The following KIF1B variants were observed in gnomAD, a reference collection of about 807,000 sequenced individuals.
KIF1B encodes the protein kinesin-like protein KIF1B.
In KIF1B, 76 loss-of-function variants were observed where a neutral mutation model predicts 241.9. The observed-to-expected ratio is 0.31, with a 90% CI of 0.26 to 0.38. KIF1B has a LOEUF of 0.38. KIF1B is among the 10% of genes least tolerant of loss of function. The probability of loss-of-function intolerance (pLI) is 1.00; values close to 1 mark genes in which losing one functional copy is unlikely to be tolerated. For missense variants in KIF1B, 1,622 were observed against 2,271.4 expected (o/e 0.71, Z 5.81); for synonymous variants, 750 against 796.7 (o/e 0.94, Z 0.99).
At position 10,320,143 on chromosome 1, in the gene KIF1B, T is replaced by G; in HGVS notation, c.2209+7T>G. On this transcript the variant is annotated splice_region_variant and intron_variant, in intron 23 of 48. Transcript: ENST00000676179. ...GAGGAAGAAGAGGAAGAAGGTGAAA[T>G]CTAGAGACCGAAAGTTTCCTGTGTA... 2 of 1,597,994 alleles carry G rather than the reference T, an allele frequency of 1.3e-6. No individual in the cohort carries two copies. Among genetic ancestry groups the G allele is most frequent in the Non-Finnish European group, 1.7e-6 (2 of 1,165,864 alleles).
intron 2 of KIF1B, among the ~76,000 whole-genome samples, chr1:10,250,779 T>C (rs542091566): frequency 6.6e-6 from 1 of 152,330 alleles, no homozygotes; most frequent in Admixed American, 6.5e-5. Flanking sequence ...TAAGCCATGA[T>C]TGAGCCACTG....
Position 10,337,297 on chromosome 1 carries a change from G to A in KIF1B, c.3260-74G>A. On this transcript the variant is annotated intron_variant, in intron 30 of 48. Coordinates refer to ENST00000676179, the MANE Select transcript of KIF1B (RefSeq NM_001365951.3). The surrounding 1 kb of genome is among the most constrained non-coding windows in gnomAD (Gnocchi z 4.0). Reference sequence around the variant, plus strand: ...GGACATAGTGGCCTTCATCAACTAGGAATGGAAAGCATGCCCAACTCCCTC... The same window carrying A: ...GGACATAGTGGCCTTCATCAACTAGAAATGGAAAGCATGCCCAACTCCCTC... 1.9e-6 allele frequency: 3 copies of A among 1,612,206 alleles called. No homozygotes were observed. Among genetic ancestry groups the A allele is most frequent in the Non-Finnish European group, 2.5e-6 (3 of 1,178,298 alleles).
chr1:10,320,636 C>T (rs769754220), intron 23 of KIF1B, among the ~76,000 whole-genome samples: 7 of 152,314 alleles, frequency 4.6e-5, no homozygotes, highest in Middle Eastern at 3.4e-3. Context: ...TACCACAATT[C>T]GTTTTTCTAC....
chr1:10,337,189 G>A lies in KIF1B; in HGVS notation c.3245G>A (p.Arg1082Gln), dbSNP rs745363423. Reference sequence around the variant, plus strand: ...ATCACTCCTCCAGAAGAAATCAGTCGAATTAATGACTTGGGTATGTAGACA... The same window carrying A: ...ATCACTCCTCCAGAAGAAATCAGTCAAATTAATGACTTGGGTATGTAGACA... ...EVITPPEEIS[R>Q]INDLDLKSST... The change falls in exon 30 of 49, where the codon CGA (arginine) becomes CAA (glutamine). Residue 1082 changes from arginine to glutamine, a missense_variant. By Grantham distance (43) the Arg-to-Gln change is conservative. This residue lies in a region of KIF1B where 803 missense variants were observed against 1,112.0 expected (regional missense o/e 0.72). Coordinates refer to ENST00000676179, the MANE Select transcript of KIF1B (RefSeq NM_001365951.3). The surrounding 1 kb of genome is among the most constrained non-coding windows in gnomAD (Gnocchi z 4.0). 3.8e-5 allele frequency: 61 copies of A among 1,613,950 alleles called. No homozygotes were observed. The Admixed American group carries it at 7.5e-4, about 20-fold the overall frequency.
intron 1 of KIF1B, among the ~76,000 whole-genome samples, chr1:10,215,515 A>G (rs1646757088): frequency 1.3e-5 from 2 of 150,668 alleles, no homozygotes; most frequent in Admixed American, 6.7e-5. Context: ...ATACCAAAGC[A>G]TATCATTCAA....
Position 10,278,056 on chromosome 1 carries a change from C to T in KIF1B, c.1108C>T (p.Arg370Cys), listed in dbSNP as rs1649209379. ...TGAGGACCCCAATGCCAAACTGGTT[C>T]GTGAATTAAAGGAGGAGGTGACACG... ...INEDPNAKLVRELKEEVTRLK... is the reference protein window; with the variant it reads ...INEDPNAKLVCELKEEVTRLK... The change falls in exon 13 of 49, where the codon CGT (arginine) becomes TGT (cysteine). Residue 370 changes from arginine to cysteine, a missense_variant. This residue lies in a region of KIF1B where 201 missense variants were observed against 301.2 expected (regional missense o/e 0.67). Transcript: ENST00000676179. 2.5e-6 allele frequency: 4 copies of T among 1,613,756 alleles called. No homozygotes were observed. The highest frequency in any genetic ancestry group is 1.7e-6 in the Non-Finnish European group (2 of 1,179,888).
At chr1:10,268,625 CTTTTT>C (rs5772405) in intron 7 of KIF1B, among the ~76,000 whole-genome samples, 56 of 130,048 alleles carry the variant, frequency 4.3e-4, no homozygotes, top group Non-Finnish European at 7.8e-4. Context: ...TATGTGTATT[CTTTTT>C]TTTTTTTTTT....
At chr1:10,260,265 A>G (rs1196159437) in intron 4 of KIF1B, among the ~76,000 whole-genome samples, 1 of 152,246 alleles carries the variant, frequency 6.6e-6, no homozygotes, top group Non-Finnish European at 1.5e-5. Flanking sequence ...AGAAAAGTAC[A>G]TTAAAAATAT....
At chr1:10,237,501 G>A (rs1398176144) in intron 2 of KIF1B, among the ~76,000 whole-genome samples, 1 of 152,110 alleles carries the variant, frequency 6.6e-6, no homozygotes, top group African/African-American at 2.4e-5. Flanking sequence ...GCCCTTTGGT[G>A]AATTTTGTTC....
chr1:10,315,041 GA>G (rs58204496), intron 22 of KIF1B, among the ~76,000 whole-genome samples: 6 of 147,072 alleles, frequency 4.1e-5, no homozygotes, highest in Admixed American at 2.0e-4. Flanking sequence ...CAGAGAAGCT[GA>G]AAAAAAAACT....
At chr1:10,218,145 T>A (rs1053295048) in intron 1 of KIF1B, among the ~76,000 whole-genome samples, 4 of 152,252 alleles carry the variant, frequency 2.6e-5, no homozygotes, top group Non-Finnish European at 5.9e-5. Flanking sequence ...GATACTGGCA[T>A]TTCCCACTTC....
At position 10,321,781 on chromosome 1, in the gene KIF1B, C is replaced by A; in HGVS notation, c.2282C>A (p.Ser761Ter). 6.2e-7 allele frequency: 1 copy of A among 1,614,160 alleles called. No individual in the cohort carries two copies. Among genetic ancestry groups the A allele is most frequent in the Non-Finnish European group, 8.5e-7 (1 of 1,179,976 alleles). Residue 761 changes from serine to a stop codon, truncating the protein, a stop_gained, in exon 24 of 49, where the codon TCA (serine) becomes TAA (stop). Coordinates refer to ENST00000676179, the MANE Select transcript of KIF1B (RefSeq NM_001365951.3). LOFTEE classifies it high-confidence loss of function. ...FRKWKSHQFT[S>*]LRDLLWGNAV... is the part of the protein sequence containing the mutation. ...AAATGGAAGTCTCATCAGTTTACTTCATTACGGGACTTACTCTGGGGCAAT... is the reference window on the plus strand; with the variant it reads ...AAATGGAAGTCTCATCAGTTTACTTAATTACGGGACTTACTCTGGGGCAAT...
intron 9 of KIF1B, among the ~76,000 whole-genome samples, chr1:10,272,693 G>A (rs1648866259): frequency 6.8e-6 from 1 of 147,836 alleles, no homozygotes; most frequent in Admixed American, 6.7e-5. Flanking sequence ...TTTGGTGAAT[G>A]CTGTTGATTT....
intron 22 of KIF1B, among the ~76,000 whole-genome samples, chr1:10,309,436 C>T (rs1331072231): frequency 6.8e-6 from 1 of 147,222 alleles, no homozygotes; most frequent in Non-Finnish European, 1.5e-5. Context: ...CCACACAGTG[C>T]TGCTGGTGGT....
At chr1:10,357,306 G>C (rs574947903) in intron 38 of KIF1B, among the ~76,000 whole-genome samples, 1 of 152,254 alleles carries the variant, frequency 6.6e-6, no homozygotes, top group African/African-American at 2.4e-5. Flanking sequence ...AATCCATTTG[G>C]AATTACTTCT....
rs766101107 is a variant in KIF1B at position 10,326,128 on chromosome 1, G to A, written c.2693G>A (p.Gly898Asp). 5 of 1,613,886 alleles carry A rather than the reference G, an allele frequency of 3.1e-6. No homozygotes were observed. The African/African-American group carries it at 5.3e-5, about 17-fold the overall frequency. ...KLVGSSPIFH[G>D]CVNERLADRT... ...GTGTCTAGCTCCCCCATTTTCCACG[G>A]CTGTGTGAACGAGCGCCTTGCCGAC... is the stretch of plus-strand genomic sequence containing the variant. The change falls in exon 27 of 49, where the codon GGC (glycine) becomes GAC (aspartate). Residue 898 changes from glycine (G) to aspartate (D), a missense_variant. Around this residue, in one of 7 missense-constraint regions of KIF1B, gnomAD observed 803 missense variants for 1,112.0 expected, o/e 0.72. Transcript: ENST00000676179. The surrounding 1 kb of genome is among the most constrained non-coding windows in gnomAD (Gnocchi z 5.2).
At chr1:10,298,547 TAA>T in intron 22 of KIF1B, among the ~76,000 whole-genome samples, 2 of 152,302 alleles carry the variant, frequency 1.3e-5, no homozygotes, top group South Asian at 2.1e-4. Context: ...TTTTTAGCAT[TAA>T]GTTTTTAATG....
chr1:10,375,156 C>T, intron 47 of KIF1B, 99 bp from the exon 48 acceptor site: 1 of 1,491,618 alleles, frequency 6.7e-7, no homozygotes, highest in Non-Finnish European at 9.4e-7. Flanking sequence ...TGGTTTTGAA[C>T]TTCCTTTGTG....
intron 22 of KIF1B, among the ~76,000 whole-genome samples, chr1:10,316,622 C>G (rs1279636621): frequency 6.6e-6 from 1 of 151,214 alleles, no homozygotes; most frequent in African/African-American, 2.5e-5. Context: ...TACCTCAGCC[C>G]CTCTAGTAGC....
Sources: allele counts gnomAD v4.1 joint callset (sites outside exome capture counted in the v4.1 genomes callset), GRCh38; gene constraint gnomAD v4.1.1; regional missense constraint gnomAD v4.1.1; non-coding constraint Gnocchi (gnomAD v3.1); transcripts MANE v1.5; gene names NCBI Gene and HGNC (gene_info 2026-07-23, HGNC 2026-07-21).